The following H2AZ2 variants were observed in gnomAD, a reference collection of about 807,000 sequenced individuals.
H2AZ2 encodes H2A.Z variant histone 2.
In H2AZ2, 5 loss-of-function variants were observed where a neutral mutation model predicts 15.5. That is an observed-to-expected ratio of 0.32 (90% CI 0.17 to 0.68). The LOEUF (loss-of-function observed/expected upper bound fraction) is 0.68. H2AZ2 is among the 30% of genes least tolerant of loss of function. The pLI is 0.72. For missense variants in H2AZ2, 42 were observed against 162.5 expected, an observed-to-expected ratio of 0.26 and a Z score of 4.03; for synonymous variants, 44 against 57.4, an observed-to-expected ratio of 0.77 and a Z score of 1.05.
In H2AZ2 at chr7:44,840,541, C is replaced by A. The variant is rs533949085; in HGVS notation, c.195+358G>T. ...ATCTCAGCACTTTGGGAGGCTGAGG[C>A]AGGTAGATCACCTGAGGTCAGGAGT... On this transcript the variant is annotated intron_variant, in intron 3 of 4. Coordinates refer to ENST00000308153, the MANE Select transcript of H2AZ2 (RefSeq NM_012412.5). Among the ~76,000 whole-genome samples the A allele has an allele frequency of 2.4e-4, 37 of 152,272 alleles. 1 individual carries two copies. Among genetic ancestry groups the A allele is most frequent in the African/African-American group, 8.7e-4 (36 of 41,546 alleles).
Position 44,836,995 on chromosome 7 carries a change from C to T in H2AZ2, c.196-1337G>A, listed in dbSNP as rs142925032. 4.5e-3 allele frequency among the ~76,000 whole-genome samples: 663 copies of T among 146,388 alleles called. 15 individuals are homozygous for T. Among genetic ancestry groups the T allele is most frequent in the East Asian group, 0.02 (95 of 4,728 alleles). ...TGGACGACAGAGCGAGACTCTGTCT[C>T]GAAAAGAAAAACAAAAACAAAAACA... is the stretch of plus-strand genomic sequence containing the variant. On this transcript the variant is annotated intron_variant, in intron 3 of 4. Coordinates refer to ENST00000308153, the MANE Select transcript of H2AZ2 (RefSeq NM_012412.5).
chr7:44,837,443 A>G lies in H2AZ2; in HGVS notation c.196-1785T>C, dbSNP rs1217768370. On this transcript the variant is annotated intron_variant, in intron 3 of 4. Coordinates refer to ENST00000308153, the MANE Select transcript of H2AZ2 (RefSeq NM_012412.5). ...CAAAAAAAAAAAAAAGAAAAAAAAA[A>G]AAAAAAAAAAAGTTGACTGCACCCA... 2.7e-5 allele frequency among the ~76,000 whole-genome samples: 4 copies of G among 149,058 alleles called. 1 individual carries two copies. The highest frequency in any genetic ancestry group is 3.9e-4 in the East Asian group (2 of 5,098).
At chr7:44,835,393 G>A in intron 4 of H2AZ2, 136 bp downstream of exon 4, 2 of 600,748 alleles carry the variant, frequency 3.3e-6, no homozygotes, top group Non-Finnish European at 5.4e-6. Context: ...GCTTAGAATT[G>A]TTATAGATTT....
chr7:44,842,071 A>T (rs1411672380), intron 2 of H2AZ2, among the ~76,000 whole-genome samples: 16 of 152,082 alleles, frequency 1.1e-4, no homozygotes. Context: ...TTTTGCATTT[A>T]TACTTCATCT....
rs184422464 is a variant in H2AZ2 at position 44,838,411 on chromosome 7, G to A, written c.195+2488C>T. Among the ~76,000 whole-genome samples, 479 of 152,178 alleles carry A rather than the reference G, an allele frequency of 3.1e-3. 4 individuals carry two copies. Among genetic ancestry groups the A allele is most frequent in the African/African-American group, 0.01 (430 of 41,554 alleles). On this transcript the variant is annotated intron_variant, in intron 3 of 4. Coordinates refer to ENST00000308153, the MANE Select transcript of H2AZ2 (RefSeq NM_012412.5). ...CATGTCTGTAATCCCAGCACTTTGG[G>A]AGGCTGGGGCGGACAGATCATTTGA...
At chr7:44,846,104 C>T (rs1427207168) in intron 1 of H2AZ2, among the ~76,000 whole-genome samples, 1 of 149,190 alleles carries the variant, frequency 6.7e-6, no homozygotes, top group Non-Finnish European at 1.5e-5. Context: ...AGTAGGAGTT[C>T]GTTCATTTTA....
Position 44,839,542 on chromosome 7 carries a change from C to T in H2AZ2, c.195+1357G>A, listed in dbSNP as rs571603750. 1.6e-3 allele frequency among the ~76,000 whole-genome samples: 242 copies of T among 151,238 alleles called. 1 individual carries two copies. Among genetic ancestry groups the T allele is most frequent in the Non-Finnish European group, 1.8e-3 (122 of 67,784 alleles). On this transcript the variant is annotated intron_variant, in intron 3 of 4. Coordinates refer to ENST00000308153, the MANE Select transcript of H2AZ2 (RefSeq NM_012412.5). The stretch of plus-strand genomic sequence containing the variant: ...ATACAAAAAAAAAAAATTAGCCGGG[C>T]GTGGTGGCGGGTGCCTGTAGTCCCA...
In H2AZ2 at chr7:44,840,841, T is replaced by TG; in HGVS notation, c.195+57_195+58insC. The stretch of plus-strand genomic sequence containing the variant: ...TTCAAATATATTCCATGGGTTTCTG[T>TG]CACTGAGACTAGTGCACCTTCTGGA... On this transcript the variant is annotated intron_variant, in intron 3 of 4. Coordinates refer to ENST00000308153, the MANE Select transcript of H2AZ2 (RefSeq NM_012412.5). 7.9e-6 allele frequency: 9 copies of TG among 1,133,512 alleles called. 1 individual carries two copies. Among genetic ancestry groups the TG allele is most frequent in the Non-Finnish European group, 1.1e-5 (8 of 759,672 alleles). The allele number at this position is 1,133,512 out of a possible 1,614,324, so 70.2% of individuals were successfully genotyped here.
intron 2 of H2AZ2, 90 bp downstream of exon 2, chr7:44,843,187 T>G: frequency 3.8e-6 from 1 of 264,172 alleles, no homozygotes; most frequent in Non-Finnish European, 6.9e-6. Flanking sequence ...TCTGTAGTAA[T>G]ACAAGTAGAT....
chr7:44,841,807 C>G (rs1479653025), intron 2 of H2AZ2, among the ~76,000 whole-genome samples: 1 of 152,230 alleles, frequency 6.6e-6, no homozygotes, highest in African/African-American at 2.4e-5. Flanking sequence ...CAACCCTTCA[C>G]TGCTCCATTA....
At chr7:44,840,751 C>CA in intron 3 of H2AZ2, 148 bp downstream of exon 3, 1 of 576,148 alleles carries the variant, frequency 1.7e-6, no homozygotes, top group Non-Finnish European at 3.0e-6. Flanking sequence ...GCCTGGGAAA[C>CA]AAGAGTGAAA....
chr7:44,847,211 G>A (rs1351438742), intron 1 of H2AZ2, among the ~76,000 whole-genome samples: 1 of 152,086 alleles, frequency 6.6e-6, no homozygotes, highest in Non-Finnish European at 1.5e-5. Flanking sequence ...GTATCCTTTA[G>A]CACCTTCTCT....
intron 3 of H2AZ2, among the ~76,000 whole-genome samples, chr7:44,838,121 C>T (rs1309863588): frequency 2.0e-5 from 3 of 151,818 alleles, no homozygotes; most frequent in African/African-American, 7.3e-5. Context: ...TACACAGACA[C>T]ACGCCACCAT....
rs893973696 is a variant in H2AZ2, at chr7:44,833,873, C to T, written c.*628G>A. The T allele has an allele frequency of 5.0e-6, 1 of 201,286 alleles. No homozygotes were observed. The allele number at this position is 201,286 out of a possible 1,614,324, so 12.5% of individuals were successfully genotyped here. A position where few individuals can be genotyped will look rare whatever the true frequency, so the allele number is the denominator to read the frequency against. On this transcript the variant is annotated 3_prime_UTR_variant, in exon 5 of 5. Coordinates refer to ENST00000308153, the MANE Select transcript of H2AZ2 (RefSeq NM_012412.5). ...CAACTTTCTTGGTCAGTAGAGCACT[C>T]TGCAAAGGGCCTGGCACATGGTAAG... is the stretch of plus-strand genomic sequence containing the variant.
chr7:44,830,288 G>T, downstream of H2AZ2: 1 of 909,328 alleles, frequency 1.1e-6, no homozygotes, highest in Non-Finnish European at 1.7e-6. Flanking sequence ...TATAGGTGGT[G>T]AGTATAAGAA....
chr7:44,846,062 C>CACACACAGAGAGAGAG (rs57468916), intron 1 of H2AZ2, among the ~76,000 whole-genome samples: 90 of 75,146 alleles, frequency 1.2e-3, no homozygotes, highest in Non-Finnish European at 2.1e-3. Context: ...CACACACACA[C>CACACACAGAGAGAGAG]AGAGAGAGAC....
chr7:44,840,489 G>C (rs1793248526), intron 3 of H2AZ2, among the ~76,000 whole-genome samples: 1 of 152,058 alleles, frequency 6.6e-6, no homozygotes, highest in African/African-American at 2.4e-5. Flanking sequence ...AAACCAATGA[G>C]GCCGGACGTG....
At chr7:44,828,417 T>C (rs1583706969), downstream of H2AZ2, 3 of 152,314 alleles carry the variant, frequency 2.0e-5, no homozygotes, top group East Asian at 1.9e-4. Context: ...CTTTCAGGTG[T>C]TGGAACTCTT....
intron 1 of H2AZ2, among the ~76,000 whole-genome samples, chr7:44,846,072 CAG>C (rs1277065817): frequency 2.4e-4 from 20 of 84,688 alleles, no homozygotes; most frequent in South Asian, 7.3e-4. Context: ...CAGAGAGAGA[CAG>C]AGAGAGAGAG....
Sources: allele counts gnomAD v4.1 joint callset (sites outside exome capture counted in the v4.1 genomes callset), GRCh38; gene constraint gnomAD v4.1.1; transcripts MANE v1.5; gene names NCBI Gene and HGNC (gene_info 2026-07-23, HGNC 2026-07-21).